The following UBE2V2 variants were observed in gnomAD, a reference collection of about 807,000 sequenced individuals.
The protein encoded by UBE2V2 is ubiquitin-conjugating enzyme E2 variant 2.
Under a neutral mutation model 17.2 loss-of-function variants are expected in UBE2V2, and 9 were observed. That is an observed-to-expected ratio of 0.52 (90% confidence interval 0.32 to 0.91). UBE2V2 has a LOEUF of 0.91. UBE2V2 is among the 40% of genes least tolerant of loss of function. The probability of loss-of-function intolerance (pLI) is 0.04; values close to 1 mark genes in which losing one functional copy is unlikely to be tolerated. For missense variants in UBE2V2, 133 were observed against 182.6 expected (o/e 0.73, Z 1.56); for synonymous variants, 61 against 57.5 (o/e 1.06, Z -0.28).
intron 1 of UBE2V2, among the ~76,000 whole-genome samples, chr8:48,029,143 C>T (rs1016147977): frequency 2.6e-5 from 4 of 151,904 alleles, no homozygotes; most frequent in Non-Finnish European, 4.4e-5. Flanking sequence ...GCCTGGGCAA[C>T]GTACCGAGAT....
At chr8:48,010,425 G>A (rs1332731362) in intron 1 of UBE2V2, among the ~76,000 whole-genome samples, 2 of 137,692 alleles carry the variant, frequency 1.5e-5, no homozygotes, top group African/African-American at 5.5e-5. Context: ...TTTTTGAGAC[G>A]CAGTCTTGCT....
At chr8:48,002,407 T>C in the UBE2V2 span, among the ~76,000 whole-genome samples, 1 of 152,346 alleles carries the variant, frequency 6.6e-6, no homozygotes, top group South Asian at 2.1e-4. Context: ...GAGGACCTTA[T>C]ATTAAAGTGA....
chr8:48,021,497 G>C, intron 1 of UBE2V2, among the ~76,000 whole-genome samples: 1 of 151,638 alleles, frequency 6.6e-6, no homozygotes, highest in East Asian at 1.9e-4. Flanking sequence ...TAGTAGAGAT[G>C]GGGTTTCACC....
In UBE2V2 at chr8:48,064,569, A is replaced by G. The variant is rs1422621780; in HGVS notation, c.*3741A>G. ...CATACTGAAAATGTTGTTTATTTAA[A>G]AGTATTGTGGAGTGTTGAAAATAAA... On this transcript the variant is annotated 3_prime_UTR_variant, in exon 4 of 4. Coordinates refer to ENST00000523111, the MANE Select transcript of UBE2V2 (RefSeq NM_003350.3). 6.6e-6 allele frequency: 1 copy of G among 152,198 alleles called. No homozygotes were observed. Among genetic ancestry groups the G allele is most frequent in the African/African-American group, 2.4e-5 (1 of 41,454 alleles). The allele number at this position is 152,198 out of a possible 1,614,324, so 9.4% of individuals were successfully genotyped here.
At chr8:48,018,271 A>T (rs111486284) in intron 1 of UBE2V2, among the ~76,000 whole-genome samples, 13 of 152,352 alleles carry the variant, frequency 8.5e-5, no homozygotes, top group African/African-American at 2.9e-4. Flanking sequence ...CAGAAGACAT[A>T]TGATGTCAGT....
rs546070305 is a variant in UBE2V2 at position 48,056,471 on chromosome 8, A to G, written c.292-4211A>G. ...TAGGCCATCTTACATTGCTACCACT[A>G]GTGTATGCAGGTTCCCAGCTTCTCC... On this transcript the variant is annotated intron_variant, in intron 3 of 3. Transcript: ENST00000523111. Among the ~76,000 whole-genome samples, 5 of 152,308 alleles carry G rather than the reference A, an allele frequency of 3.3e-5. No individual in the cohort carries two copies. In the South Asian group the frequency reaches 1.0e-3, roughly 32 times the overall value.
intron 3 of UBE2V2, among the ~76,000 whole-genome samples, chr8:48,057,813 G>A (rs1185193070): frequency 2.6e-5 from 4 of 152,052 alleles, no homozygotes; most frequent in Admixed American, 2.0e-4. Context: ...ACTAATTATT[G>A]TATATGGAAC....
intron 1 of UBE2V2, 113 bp from the exon 2 acceptor site, chr8:48,042,919 TG>T: frequency 9.2e-7 from 1 of 1,088,856 alleles, no homozygotes; most frequent in Non-Finnish European, 1.2e-6. Context: ...AAAGGGGATT[TG>T]GTCTTTTTGG....
upstream of UBE2V2, among the ~76,000 whole-genome samples, chr8:48,006,096 C>T (rs1042247701): frequency 1.3e-5 from 2 of 152,160 alleles, no homozygotes; most frequent in African/African-American, 4.8e-5. Context: ...CCCATGCCTA[C>T]ATCCTGAATG....
chr8:48,002,021 G>A, the UBE2V2 span, among the ~76,000 whole-genome samples: 1 of 152,166 alleles, frequency 6.6e-6, no homozygotes, highest in African/African-American at 2.4e-5. Context: ...CCCAGGAGGT[G>A]GAGGTTGCAG....
At chr8:48,015,444 G>A (rs1016513099) in intron 1 of UBE2V2, among the ~76,000 whole-genome samples, 2 of 152,120 alleles carry the variant, frequency 1.3e-5, no homozygotes, top group African/African-American at 4.8e-5. Flanking sequence ...ATTGTGGAAT[G>A]GTTAAATCTA....
At chr8:48,019,549 G>C (rs1278515704) in intron 1 of UBE2V2, among the ~76,000 whole-genome samples, 4 of 151,414 alleles carry the variant, frequency 2.6e-5, no homozygotes, top group Admixed American at 2.6e-4. Flanking sequence ...GGGCATGGTG[G>C]CTCATGCCTG....
chr8:48,038,706 C>G (rs2091441311), intron 1 of UBE2V2, among the ~76,000 whole-genome samples: 1 of 152,046 alleles, frequency 6.6e-6, no homozygotes, highest in African/African-American at 2.4e-5. Context: ...GTCTCGAACT[C>G]CTGACCTCAA....
chr8:48,018,079 C>G (rs2091282398), intron 1 of UBE2V2, among the ~76,000 whole-genome samples: 1 of 151,740 alleles, frequency 6.6e-6, no homozygotes, highest in Admixed American at 6.6e-5. Flanking sequence ...TCAGGTGATC[C>G]ACACGCCTCG....
At chr8:48,019,052 G>A (rs1055830795) in intron 1 of UBE2V2, among the ~76,000 whole-genome samples, 2 of 151,868 alleles carry the variant, frequency 1.3e-5, no homozygotes, top group South Asian at 2.1e-4. Context: ...CCAACATGGC[G>A]AAATCCCATC....
chr8:48,024,181 G>A (rs1270273616), intron 1 of UBE2V2, among the ~76,000 whole-genome samples: 1 of 152,188 alleles, frequency 6.6e-6, no homozygotes, highest in African/African-American at 2.4e-5. Flanking sequence ...TAGAATATAT[G>A]TTATGGATTG....
chr8:48,007,228 C>G (rs927353251), upstream of UBE2V2, among the ~76,000 whole-genome samples: 4 of 152,076 alleles, frequency 2.6e-5, no homozygotes, highest in African/African-American at 9.7e-5. Context: ...CTCACCACTC[C>G]TATTCAACAT....
At chr8:48,056,890 A>AT (rs1465518352) in intron 3 of UBE2V2, among the ~76,000 whole-genome samples, 1 of 148,122 alleles carries the variant, frequency 6.8e-6, no homozygotes, top group East Asian at 2.0e-4. Context: ...CGCCTGGCTA[A>AT]TTTTTTGTAT....
intron 1 of UBE2V2, among the ~76,000 whole-genome samples, chr8:48,023,767 T>C (rs1307756678): frequency 2.0e-5 from 3 of 151,964 alleles, no homozygotes; most frequent in Non-Finnish European, 4.4e-5. Flanking sequence ...CTCCAGCTAC[T>C]TGGGAGGCTG....
Sources: gnomAD v4.1 joint callset for allele counts (sites outside exome capture counted in the v4.1 genomes callset) on GRCh38, gnomAD v4.1.1 for gene constraint, MANE v1.5 for transcripts, NCBI Gene and HGNC (gene_info 2026-07-23, HGNC 2026-07-21) for gene names.